GPC6: variants seen among roughly 807,000 people sequenced by gnomAD.
The protein encoded by GPC6 is glypican-6.
A neutral mutation model predicts 55.2 loss-of-function variants in GPC6; 14 were observed. That is an observed-to-expected ratio of 0.25 (90% CI 0.17 to 0.40). GPC6 has a LOEUF of 0.40. GPC6 is among the 10% of genes least tolerant of loss of function. The pLI, the probability that GPC6 is intolerant of heterozygous loss-of-function variation, is 1.00. For synonymous variants in GPC6, 278 were observed against 259.6 expected (o/e 1.07, Z -0.68); for missense variants, 641 against 708.5 (o/e 0.90, Z 1.08).
chr13:93,930,185 T>C (rs573121703), intron 3 of GPC6, among the ~76,000 whole-genome samples: 46 of 151,958 alleles, frequency 3.0e-4, no homozygotes, highest in African/African-American at 1.1e-3. Flanking sequence ...TTCTGTTATA[T>C]AGCCACTGTT....
At chr13:93,751,347 T>G (rs1007021838) in intron 2 of GPC6, among the ~76,000 whole-genome samples, 4 of 152,126 alleles carry the variant, frequency 2.6e-5, no homozygotes, top group Non-Finnish European at 5.9e-5. Context: ...AGGTTTAAAG[T>G]TCTGAGAATA....
At chr13:94,222,303 A>G (rs1488275082) in intron 4 of GPC6, among the ~76,000 whole-genome samples, 1 of 152,152 alleles carries the variant, frequency 6.6e-6, no homozygotes, top group Non-Finnish European at 1.5e-5. Context: ...CTAGATCTCT[A>G]AAACATTGGA....
chr13:93,326,913 T>C (rs1242201374), intron 1 of GPC6, among the ~76,000 whole-genome samples: 1 of 152,190 alleles, frequency 6.6e-6, no homozygotes, highest in Non-Finnish European at 1.5e-5. Context: ...GGAATAAATA[T>C]ATATAATTGC....
At chr13:93,911,478 G>T (rs527416748) in intron 3 of GPC6, among the ~76,000 whole-genome samples, 1 of 151,932 alleles carries the variant, frequency 6.6e-6, no homozygotes, top group Non-Finnish European at 1.5e-5. Context: ...ACAAGGATAT[G>T]TAGTCATAAT....
At chr13:93,501,029 T>C (rs1880501912) in intron 1 of GPC6, among the ~76,000 whole-genome samples, 2 of 152,186 alleles carry the variant, frequency 1.3e-5, no homozygotes, top group African/African-American at 4.8e-5. Context: ...GAGATGCCAG[T>C]ATCTTATCCA....
chr13:93,229,984 T>TCC (rs1195073256), intron 1 of GPC6, among the ~76,000 whole-genome samples: 1 of 152,206 alleles, frequency 6.6e-6, no homozygotes, highest in African/African-American at 2.4e-5. Flanking sequence ...AGGAACACAC[T>TCC]CTATCTCTCC....
intron 7 of GPC6, among the ~76,000 whole-genome samples, chr13:94,397,783 A>C (rs1171960729): frequency 6.6e-6 from 1 of 152,112 alleles, no homozygotes; most frequent in Non-Finnish European, 1.5e-5. Context: ...TGGAGGGAGG[A>C]AAGAGTCATT....
chr13:94,024,939 A>T (rs1304436961), intron 3 of GPC6, among the ~76,000 whole-genome samples: 3 of 152,230 alleles, frequency 2.0e-5, no homozygotes, highest in Non-Finnish European at 2.9e-5. Flanking sequence ...CTTAACAAAT[A>T]CCCAAGTCAT....
intron 1 of GPC6, among the ~76,000 whole-genome samples, chr13:93,413,096 A>G (rs1383444675): frequency 5.3e-5 from 8 of 152,218 alleles, no homozygotes; most frequent in Non-Finnish European, 1.2e-4. Flanking sequence ...ATTATCAGTG[A>G]TAAAAATAAA....
intron 4 of GPC6, among the ~76,000 whole-genome samples, chr13:94,033,883 A>C (rs1374123505): frequency 6.6e-6 from 1 of 152,174 alleles, no homozygotes; most frequent in Admixed American, 6.5e-5. Context: ...CCTATTTAAT[A>C]ATACAGTCTA....
chr13:93,264,390 T>C (rs1197483352), intron 1 of GPC6, among the ~76,000 whole-genome samples: 1 of 152,082 alleles, frequency 6.6e-6, no homozygotes, highest in Non-Finnish European at 1.5e-5. Context: ...ATGTACATTC[T>C]CCCATATACT....
At chr13:93,420,173 G>A (rs1046598832) in intron 1 of GPC6, among the ~76,000 whole-genome samples, 3 of 152,102 alleles carry the variant, frequency 2.0e-5, no homozygotes, top group African/African-American at 4.8e-5. Context: ...CTTAAACTGA[G>A]TTTTCACCGT....
intron 3 of GPC6, among the ~76,000 whole-genome samples, chr13:93,958,000 C>T (rs1275978154): frequency 6.6e-6 from 1 of 152,164 alleles, no homozygotes; most frequent in African/African-American, 2.4e-5. Flanking sequence ...TTGTTGGCTG[C>T]TTGCATGTCT....
chr13:93,316,622 T>C (rs928105448), intron 1 of GPC6, among the ~76,000 whole-genome samples: 1 of 152,074 alleles, frequency 6.6e-6, no homozygotes, highest in African/African-American at 2.4e-5. Flanking sequence ...TCTTTAGCAA[T>C]CACTAAATAA....
chr13:93,552,863 G>A (rs1275340243), intron 2 of GPC6, among the ~76,000 whole-genome samples: 1 of 152,192 alleles, frequency 6.6e-6, no homozygotes, highest in South Asian at 2.1e-4. Flanking sequence ...CTTTGAGTAA[G>A]TATGGGTGAA....
intron 4 of GPC6, among the ~76,000 whole-genome samples, chr13:94,093,849 T>G (rs568381416): frequency 6.6e-6 from 1 of 152,086 alleles, no homozygotes; most frequent in Non-Finnish European, 1.5e-5. Flanking sequence ...CATCTAATCC[T>G]AGGGAGAGCT....
intron 4 of GPC6, among the ~76,000 whole-genome samples, chr13:94,114,066 A>T (rs559590337): frequency 3.8e-5 from 5 of 132,084 alleles, no homozygotes; most frequent in African/African-American, 5.6e-5. Flanking sequence ...TCACCCATTC[A>T]TAGAACTAAG....
chr13:94,169,812 C>G (rs1344456266), intron 4 of GPC6, among the ~76,000 whole-genome samples: 2 of 152,096 alleles, frequency 1.3e-5, no homozygotes, highest in South Asian at 4.2e-4. Flanking sequence ...GCTGCAGGAG[C>G]CTTATGTGCT....
At chr13:93,221,681 C>T in the GPC6 span, among the ~76,000 whole-genome samples, 1 of 152,282 alleles carries the variant, frequency 6.6e-6, no homozygotes, top group South Asian at 2.1e-4. Context: ...CATTATTCAC[C>T]CAGGTTTACC....
Sources: allele counts gnomAD v4.1 joint callset (sites outside exome capture counted in the v4.1 genomes callset), GRCh38; gene constraint gnomAD v4.1.1; transcripts MANE v1.5; gene names NCBI Gene and HGNC (gene_info 2026-07-23, HGNC 2026-07-21).